ACSL4: variants seen among roughly 807,000 people sequenced by gnomAD.
ACSL4 encodes the protein long-chain-fatty-acid--CoA ligase 4.
ACSL4 carries 9 observed loss-of-function variants against 49.1 expected under a neutral mutation model. That is an observed-to-expected ratio of 0.18 (90% CI 0.11 to 0.32). ACSL4 has a LOEUF of 0.32. Ranked by LOEUF, ACSL4 falls within the 10% of genes least tolerant of loss-of-function variation. ACSL4 has a pLI of 1.00. For synonymous variants in ACSL4, 191 were observed against 170.3 expected (o/e 1.12, Z -0.95); for missense variants, 333 against 493.7 (o/e 0.67, Z 3.08).
chrX:109,695,635 T>C (rs1226232411), intron 2 of ACSL4: 1 of 110,151 alleles, frequency 9.1e-6, no homozygotes, highest in African/African-American at 3.3e-5. Context: ...GAGGTGGAGG[T>C]TGCAGTGAGC....
intron 15 of ACSL4, among the ~76,000 whole-genome samples, chrX:109,652,806 T>A (rs780005775): frequency 1.8e-5 from 2 of 111,112 alleles, no homozygotes; most frequent in South Asian, 7.5e-4. Flanking sequence ...AAGGAAATAT[T>A]ATGTCACACT....
At chrX:109,677,085 G>A (rs1435035616) in intron 8 of ACSL4, among the ~76,000 whole-genome samples, 4 of 109,360 alleles carry the variant, frequency 3.7e-5, no homozygotes, top group Admixed American at 1.9e-4. Context: ...TCAGCCTCCC[G>A]AGTAGCTGGG....
intron 1 of ACSL4, among the ~76,000 whole-genome samples, chrX:109,707,981 GT>G (rs1402991994): frequency 9.0e-6 from 1 of 111,388 alleles, no homozygotes; most frequent in African/African-American, 3.3e-5. Context: ...GTCTTGCTCG[GT>G]TACCCAGGCA....
intron 9 of ACSL4, among the ~76,000 whole-genome samples, chrX:109,669,463 G>C (rs948023931): frequency 9.4e-6 from 1 of 106,451 alleles, no homozygotes; most frequent in Admixed American, 1.0e-4. Flanking sequence ...GCGGGATCTC[G>C]GCTCACTGCA....
At chrX:109,684,473 G>A (rs917333450) in intron 2 of ACSL4, among the ~76,000 whole-genome samples, 2 of 112,058 alleles carry the variant, frequency 1.8e-5, no homozygotes, top group Admixed American at 1.9e-4. Flanking sequence ...AAACACTACT[G>A]GAAACTGCCC....
At chrX:109,731,735 C>T (rs942331273) in intron 1 of ACSL4, among the ~76,000 whole-genome samples, 49 of 111,322 alleles carry the variant, frequency 4.4e-4, no homozygotes, top group Non-Finnish European at 3.4e-4. Flanking sequence ...ATGTTTCATC[C>T]CCCACCTAAA....
At chrX:109,668,312 A>G in intron 10 of ACSL4, 39 bp from the exon 11 acceptor site, 1 of 1,103,250 alleles carries the variant, frequency 9.1e-7, no homozygotes. Context: ...ATGTACGCAT[A>G]CATTATTCTT....
chrX:109,723,080 C>T (rs1312117637), intron 1 of ACSL4, among the ~76,000 whole-genome samples: 1 of 111,113 alleles, frequency 9.0e-6, no homozygotes, highest in Non-Finnish European at 1.9e-5. Flanking sequence ...TAGCAGAAAA[C>T]ATCATTTTTT....
chrX:109,659,466 C>T lies in ACSL4; in HGVS notation c.1743G>A (p.Arg581=). 2 of 1,206,241 alleles carry T rather than the reference C, an allele frequency of 1.7e-6. No individual in the cohort carries two copies. The highest frequency in any genetic ancestry group is 1.8e-5 in the South Asian group (1 of 56,877). The part of the protein sequence containing the change: ...VISFVVPNQK[R]LTLLAQQKGV... ...CTTTCTGTTGTGCCAAAAGTGTCAA[C>T]CTTTTCTGGTTAGGAACCACAAAAC... is the stretch of plus-strand genomic sequence containing the variant. The change falls in exon 15 of 16, where the codon AGG becomes AGA. Residue 581 remains arginine (R), a synonymous_variant. Coordinates refer to ENST00000672401, the MANE Select transcript of ACSL4 (RefSeq NM_001318510.2).
At chrX:109,708,002 T>C (rs1272930661) in intron 1 of ACSL4, among the ~76,000 whole-genome samples, 1 of 111,891 alleles carries the variant, frequency 8.9e-6, no homozygotes, top group African/African-American at 3.3e-5. Flanking sequence ...AGGAATCCAG[T>C]GGTGCAATCT....
intron 1 of ACSL4, among the ~76,000 whole-genome samples, chrX:109,723,253 T>C (rs1927703244): frequency 9.0e-6 from 1 of 111,437 alleles, no homozygotes; most frequent in African/African-American, 3.3e-5. Flanking sequence ...GCTATAATAG[T>C]AATCTGCATA....
chrX:109,699,331 T>C (rs776284646), intron 1 of ACSL4, among the ~76,000 whole-genome samples: 9 of 112,120 alleles, frequency 8.0e-5, no homozygotes, highest in East Asian at 2.8e-4. Flanking sequence ...GCCTGGGTGA[T>C]AGAGTGAGAC....
chrX:109,652,765 T>G (rs941520754), intron 15 of ACSL4, among the ~76,000 whole-genome samples: 1 of 111,376 alleles, frequency 9.0e-6, no homozygotes, highest in Non-Finnish European at 1.9e-5. Context: ...GTGTGTTATA[T>G]CAATAATATT....
chrX:109,722,627 A>G (rs1034491773), intron 1 of ACSL4, among the ~76,000 whole-genome samples: 1 of 111,708 alleles, frequency 9.0e-6, no homozygotes, highest in African/African-American at 3.3e-5. Context: ...TCAAAACAGA[A>G]CTGAACTGAC....
chrX:109,719,203 T>C (rs1414196039), intron 1 of ACSL4, among the ~76,000 whole-genome samples: 1 of 112,125 alleles, frequency 8.9e-6, no homozygotes, highest in Non-Finnish European at 1.9e-5. Context: ...ATGTTATCAA[T>C]GCAATCATAG....
chrX:109,669,263 G>T, intron 9 of ACSL4, 90 bp from the exon 10 acceptor site: 1 of 695,441 alleles, frequency 1.4e-6, no homozygotes, highest in Non-Finnish European at 2.2e-6. Context: ...TTGGGTAAAA[G>T]TCTTTAGCAT....
intron 1 of ACSL4, among the ~76,000 whole-genome samples, chrX:109,728,217 G>A (rs760997906): frequency 3.5e-4 from 39 of 112,100 alleles, no homozygotes; most frequent in African/African-American, 1.1e-3. Context: ...TGCTATAAAA[G>A]GAAAAATGCA....
rs770548751 is a variant in ACSL4 at position 109,653,339 on chromosome X, C to T, written c.1855+6015G>A. Among the ~76,000 whole-genome samples, 4 of 111,627 alleles carry T rather than the reference C, an allele frequency of 3.6e-5. No homozygotes were observed. The South Asian group carries it at 1.5e-3, about 42-fold the overall frequency. On this transcript the variant is annotated intron_variant, in intron 15 of 15. Coordinates refer to ENST00000672401, the MANE Select transcript of ACSL4 (RefSeq NM_001318510.2). The stretch of plus-strand genomic sequence containing the variant: ...GAGAGGATGTGGAGAAATAGGAACA[C>T]TTTTACACTGTTGGTGGGATTGTAA...
chrX:109,685,085 T>C (rs920695177), intron 2 of ACSL4, among the ~76,000 whole-genome samples: 4 of 106,128 alleles, frequency 3.8e-5, no homozygotes, highest in African/African-American at 6.9e-5. Flanking sequence ...ATTTCTTTTC[T>C]TTCTTTTTTT....
Sources: allele counts gnomAD v4.1 joint callset (sites outside exome capture counted in the v4.1 genomes callset), GRCh38; gene constraint gnomAD v4.1.1; transcripts MANE v1.5; gene names NCBI Gene and HGNC (gene_info 2026-07-23, HGNC 2026-07-21).